SYT15: variants seen among roughly 807,000 people sequenced by gnomAD.
SYT15 encodes the protein synaptotagmin-15.
SYT15 carries 4 observed loss-of-function variants against 30.1 expected under a neutral mutation model. The ratio of observed to expected loss-of-function variants is 0.13; its 90% CI spans 0.07 to 0.30. The LOEUF (loss-of-function observed/expected upper bound fraction) is 0.30. SYT15 is among the 10% of genes least tolerant of loss of function. The pLI is 1.00. For missense variants in SYT15, 49 were observed against 371.7 expected (o/e 0.13, Z 7.14); for synonymous variants, 19 against 166.3 (o/e 0.11, Z 6.82).
chr10:46,595,008 AT>A (rs1399758535), downstream of SYT15, among the ~76,000 whole-genome samples: 3 of 94,308 alleles, frequency 3.2e-5, no homozygotes, highest in Admixed American at 3.4e-4. Flanking sequence ...TCAGTGTGCA[AT>A]TTTTTTGCTA....
At chr10:46,596,453 A>G (rs1320762052), downstream of SYT15, 6 of 153,914 alleles carry the variant, frequency 3.9e-5, no homozygotes, top group African/African-American at 1.6e-4. Flanking sequence ...TCATAAGACT[A>G]TCAGGGAAAT....
At position 46,591,037 on chromosome 10, in the gene SYT15, T is replaced by C. The variant is rs1845398666; in HGVS notation, c.*3390T>C. The C allele has an allele frequency of 7.2e-6, 1 of 139,632 alleles. No individual in the cohort carries two copies. Among genetic ancestry groups the C allele is most frequent in the South Asian group, 2.3e-4 (1 of 4,376 alleles). The allele number at this position is 139,632 out of a possible 1,614,324, so 8.6% of individuals were successfully genotyped here. On this transcript the variant is annotated 3_prime_UTR_variant, in exon 8 of 8. Coordinates refer to ENST00000374321, the MANE Select transcript of SYT15 (RefSeq NM_031912.5). ...CTTATTTATTTAAAATTTAGATTTA[T>C]TAGAGGGAGCATGGCCATAAAATAA... is the stretch of plus-strand genomic sequence containing the variant.
At chr10:46,595,041 CACA>C (rs1845620861), downstream of SYT15, among the ~76,000 whole-genome samples, 1 of 110,286 alleles carries the variant, frequency 9.1e-6, no homozygotes, top group East Asian at 2.4e-4. Context: ...AACAACTAAT[CACA>C]ACATGTCAAT....
At chr10:46,592,372 G>A (rs377225274), downstream of SYT15, among the ~76,000 whole-genome samples, 1 of 134,152 alleles carries the variant, frequency 7.5e-6, no homozygotes. Context: ...TACACCTAAC[G>A]AGACATTATT....
chr10:46,586,403 G>T (rs1555040775), intron 7 of SYT15, among the ~76,000 whole-genome samples: 1 of 116,612 alleles, frequency 8.6e-6, no homozygotes, highest in Non-Finnish European at 1.7e-5. Flanking sequence ...AAAATTAGCT[G>T]GGTGTGGTGG....
intron 7 of SYT15, among the ~76,000 whole-genome samples, chr10:46,586,570 G>A (rs1844968551): frequency 7.3e-6 from 1 of 137,312 alleles, no homozygotes; most frequent in Admixed American, 7.2e-5. Flanking sequence ...AGGTTGGCTG[G>A]GTGCGGTGGC....
rs3127782 is a variant in SYT15 at position 46,586,673 on chromosome 10, C to T, written c.1124-832C>T. Among the ~76,000 whole-genome samples, 16 of 140,012 alleles carry T rather than the reference C, an allele frequency of 1.1e-4. 1 individual carries two copies. Among genetic ancestry groups the T allele is most frequent in the South Asian group, 2.3e-4 (1 of 4,296 alleles). 91.9% of individuals were successfully genotyped at this position (140,012 alleles called of 152,430 possible). ...CATCCTGGCCAACATAGTAAAATTC[C>T]GTCTGTACTAAAAATACAAAAGTTA... On this transcript the variant is annotated intron_variant, in intron 7 of 7. Transcript: ENST00000374321.
chr10:46,580,817 T>A lies in SYT15; in HGVS notation c.213-77T>A. On this transcript the variant is annotated intron_variant, in intron 2 of 7. Coordinates refer to ENST00000374321, the MANE Select transcript of SYT15 (RefSeq NM_031912.5). ...CTTTTCTTCCTCCAGCCCCTGGTGC[T>A]CAACCGTCCTGGCTGAGCGCTCTGA... 14 of 1,267,140 alleles carry A rather than the reference T, an allele frequency of 1.1e-5. 1 individual carries two copies. Among genetic ancestry groups the A allele is most frequent in the East Asian group, 2.5e-5 (1 of 40,784 alleles). 78.5% of individuals were successfully genotyped at this position (1,267,140 alleles called of 1,614,324 possible). A position where few individuals can be genotyped will look rare whatever the true frequency, so the allele number is the denominator to read the frequency against.
Position 46,590,741 on chromosome 10 carries a change from T to C in SYT15, c.*3094T>C, listed in dbSNP as rs1162156862. 4 of 139,188 alleles carry C rather than the reference T, an allele frequency of 2.9e-5. No individual in the cohort carries two copies. The highest frequency in any genetic ancestry group is 1.1e-4 in the African/African-American group (4 of 35,850). The allele number at this position is 139,188 out of a possible 1,614,324, so 8.6% of individuals were successfully genotyped here. A position where few individuals can be genotyped will look rare whatever the true frequency, so the allele number is the denominator to read the frequency against. The stretch of plus-strand genomic sequence containing the variant: ...TCACCATGAAGTTTGATGGTTGTTA[T>C]AGGATTTTTAATGTACTCATTAACA... On this transcript the variant is annotated 3_prime_UTR_variant, in exon 8 of 8. Transcript: ENST00000374321.
At chr10:46,596,063 G>T (rs1263363390), downstream of SYT15, 1 of 146,446 alleles carries the variant, frequency 6.8e-6, no homozygotes, top group African/African-American at 2.6e-5. Context: ...GAGGGGTGAA[G>T]AATTCAGGTG....
chr10:46,593,353 G>A (rs1845540852), downstream of SYT15: 1 of 144,516 alleles, frequency 6.9e-6, no homozygotes, highest in South Asian at 2.2e-4. Flanking sequence ...CAGTTTGGGA[G>A]GCCAAGGCCA....
downstream of SYT15, among the ~76,000 whole-genome samples, chr10:46,595,091 G>A (rs1226151963): frequency 4.7e-5 from 6 of 126,380 alleles, 1 homozygote; most frequent in African/African-American, 1.7e-4. Flanking sequence ...TAACACATCT[G>A]TGGGTTGGCT....
At position 46,590,592 on chromosome 10, in the gene SYT15, G is replaced by A. The variant is rs1388006794; in HGVS notation, c.*2945G>A. 3.0e-4 allele frequency: 40 copies of A among 133,848 alleles called. 6 individuals are homozygous for A. The highest frequency in any genetic ancestry group is 4.3e-4 in the Non-Finnish European group (27 of 62,670). The allele number at this position is 133,848 out of a possible 1,614,324, so 8.3% of individuals were successfully genotyped here. On this transcript the variant is annotated 3_prime_UTR_variant, in exon 8 of 8. Transcript: ENST00000374321. ...GGCAAGGTTGCAAGATATAAAATTG[G>A]TATACAAATTGCAGTGGCTAGGACC... is the stretch of plus-strand genomic sequence containing the variant.
downstream of SYT15, among the ~76,000 whole-genome samples, chr10:46,594,493 G>T (rs1165176624): frequency 7.3e-6 from 1 of 136,078 alleles, no homozygotes; most frequent in Non-Finnish European, 1.5e-5. Flanking sequence ...CTCAGCAGAT[G>T]CCTCAAGGGG....
At chr10:46,592,238 T>C (rs1328247940), downstream of SYT15, among the ~76,000 whole-genome samples, 1 of 133,782 alleles carries the variant, frequency 7.5e-6, no homozygotes, top group Non-Finnish European at 1.6e-5. Flanking sequence ...TATAATCTAA[T>C]ACAAATTTTA....
chr10:46,580,748 G>A (rs1303279114), intron 2 of SYT15, 146 bp from the exon 3 acceptor site: 3 of 532,394 alleles, frequency 5.6e-6, no homozygotes, highest in Non-Finnish European at 9.9e-6. Flanking sequence ...TGCCTGGTAT[G>A]GGCCCAGAAA....
downstream of SYT15, among the ~76,000 whole-genome samples, chr10:46,595,252 T>C (rs1488210407): frequency 9.0e-5 from 10 of 111,576 alleles, no homozygotes; most frequent in Middle Eastern, 6.0e-3. Flanking sequence ...CTCAGTCTCC[T>C]GAGTAGCTGG....
Position 46,590,614 on chromosome 10 carries a change from G to A in SYT15, c.*2967G>A, listed in dbSNP as rs1234948895. 5 of 139,656 alleles carry A rather than the reference G, an allele frequency of 3.6e-5. No individual in the cohort carries two copies. Among genetic ancestry groups the A allele is most frequent in the Non-Finnish European group, 7.7e-5 (5 of 64,710 alleles). 8.7% of individuals were successfully genotyped at this position (139,656 alleles called of 1,614,324 possible). On this transcript the variant is annotated 3_prime_UTR_variant, in exon 8 of 8. Transcript: ENST00000374321. ...TTGGTATACAAATTGCAGTGGCTAG[G>A]ACCTCCAGCAGAATGCTGACTATAA...
downstream of SYT15, among the ~76,000 whole-genome samples, chr10:46,596,524 TGG>T (rs1845692001): frequency 6.9e-6 from 1 of 145,948 alleles, no homozygotes; most frequent in Non-Finnish European, 1.5e-5. Flanking sequence ...GGGATGGAGA[TGG>T]TACCGTGTGC....
Sources: gnomAD v4.1 joint callset for allele counts (sites outside exome capture counted in the v4.1 genomes callset) on GRCh38, gnomAD v4.1.1 for gene constraint, MANE v1.5 for transcripts, NCBI Gene and HGNC (gene_info 2026-07-23, HGNC 2026-07-21) for gene names.